The following WFDC6 variants were observed in gnomAD, a reference collection of about 807,000 sequenced individuals.
WFDC6 encodes WAP four-disulfide core domain 6, also known as WAP four-disulfide core domain protein 6.
WFDC6 carries 10 observed loss-of-function variants against 8.2 expected under a neutral mutation model. That is an observed-to-expected ratio of 1.22 (90% confidence interval 0.75 to 2.07). The LOEUF (loss-of-function observed/expected upper bound fraction) is 2.07. WFDC6 is among the 30% of genes most tolerant of loss of function. The pLI, the probability that WFDC6 is intolerant of heterozygous loss-of-function variation, is 0.00. For missense variants in WFDC6, 105 were observed against 104.9 expected (o/e 1.00, Z 0.00); for synonymous variants, 28 against 37.0 (o/e 0.76, Z 0.88).
intron 2 of WFDC6, chr20:45,535,267 T>C (rs1366724322): frequency 4.6e-6 from 6 of 1,304,148 alleles, no homozygotes; most frequent in Non-Finnish European, 6.1e-6. Flanking sequence ...TTTTTTTTAT[T>C]GTACCACCAG....
At chr20:45,536,158 G>A (rs1381394409) in intron 2 of WFDC6, among the ~76,000 whole-genome samples, 5 of 151,802 alleles carry the variant, frequency 3.3e-5, no homozygotes, top group Non-Finnish European at 7.4e-5. Context: ...AGAATGTGAG[G>A]TTTTTGAGAG....
chr20:45,539,313 T>A lies in WFDC6; in HGVS notation c.91+4A>T, dbSNP rs1460601030. The A allele has an allele frequency of 6.2e-7, 1 of 1,613,724 alleles. No homozygotes were observed. The highest frequency in any genetic ancestry group is 8.5e-7 in the Non-Finnish European group (1 of 1,179,694). ...ATTGCAAGGACGGAGTTCCCAATAC[T>A]TACTGCCAAGGATGCCTTCAGCGTG... On this transcript the variant is annotated splice_donor_region_variant and intron_variant, in intron 1 of 2. Transcript: ENST00000372670.
chr20:45,535,179 C>T (rs534303631), intron 2 of WFDC6: 44 of 1,303,886 alleles, frequency 3.4e-5, no homozygotes, highest in Non-Finnish European at 4.3e-5. Flanking sequence ...TTGCAGGTGA[C>T]CAGACAGATA....
chr20:45,535,226 C>G, intron 2 of WFDC6: 1 of 1,304,294 alleles, frequency 7.7e-7, no homozygotes, highest in Non-Finnish European at 1.0e-6. Context: ...CCCCTGGCTA[C>G]CGCCATAGAT....
intron 1 of WFDC6, 31 bp from the exon 2 acceptor site, chr20:45,538,125 G>A (rs1979440358): frequency 1.2e-6 from 2 of 1,613,248 alleles, no homozygotes; most frequent in Admixed American, 1.7e-5. Context: ...TTCCCTCAAG[G>A]CCTTAAAGGA....
chr20:45,535,387 A>C (rs760019276), intron 2 of WFDC6: 220 of 1,240,598 alleles, frequency 1.8e-4, no homozygotes, highest in Non-Finnish European at 2.2e-4. Context: ...GAGAATGTCC[A>C]TCTCTCCCCT....
chr20:45,537,030 G>A (rs1979391624), intron 2 of WFDC6: 1 of 161,482 alleles, frequency 6.2e-6, no homozygotes, highest in Non-Finnish European at 1.4e-5. Context: ...CCTAGTTATT[G>A]TCTTGAAAGG....
Position 45,537,989 on chromosome 20 carries a change from C to T in WFDC6, c.197G>A (p.Gly66Glu). ...ENMKCCPFSR[G>E]KKCLDFRKVS... ...CTTTCTGAAGTCTAAACATTTCTTTCCACGGCTGAACGGGCAACACTTCAT... is the reference window on the plus strand; with the variant it reads ...CTTTCTGAAGTCTAAACATTTCTTTTCACGGCTGAACGGGCAACACTTCAT... Residue 66 changes from glycine to glutamate, a missense_variant, in exon 2 of 3, where the codon GGA (glycine) becomes GAA (glutamate). Transcript: ENST00000372670. 1 of 1,614,018 alleles carries T rather than the reference C, an allele frequency of 6.2e-7. No homozygotes were observed. Among genetic ancestry groups the T allele is most frequent in the Non-Finnish European group, 8.5e-7 (1 of 1,179,918 alleles).
At chr20:45,535,353 G>A (rs1464291974) in intron 2 of WFDC6, 2 of 1,284,094 alleles carry the variant, frequency 1.6e-6, no homozygotes, top group African/African-American at 1.5e-5. Flanking sequence ...GCAGAATAGA[G>A]CTGTTTGGGT....
At chr20:45,537,239 G>A (rs556151292) in intron 2 of WFDC6, 1 of 419,886 alleles carries the variant, frequency 2.4e-6, no homozygotes, top group South Asian at 3.3e-5. Context: ...TCCTGCCACA[G>A]AGCCTTTGCA....
In WFDC6 at chr20:45,539,300, G is replaced by A. The variant is rs1979492944; in HGVS notation, c.91+17C>T. 1 of 1,612,244 alleles carries A rather than the reference G, an allele frequency of 6.2e-7. No individual in the cohort carries two copies. Among genetic ancestry groups the A allele is most frequent in the African/African-American group, 1.3e-5 (1 of 74,836 alleles). The stretch of plus-strand genomic sequence containing the variant: ...GTTTCCTTTCCCCATTGCAAGGACG[G>A]AGTTCCCAATACTTACTGCCAAGGA... On this transcript the variant is annotated intron_variant, in intron 1 of 2. Coordinates refer to ENST00000372670, the MANE Select transcript of WFDC6 (RefSeq NM_080827.2).
chr20:45,538,791 C>T (rs1020897235), intron 1 of WFDC6, among the ~76,000 whole-genome samples: 2 of 152,190 alleles, frequency 1.3e-5, no homozygotes, highest in Admixed American at 6.5e-5. Context: ...CAGGTTTGAA[C>T]CTACAATGTG....
chr20:45,538,218 A>G (rs1197661942), intron 1 of WFDC6, 124 bp from the exon 2 acceptor site: 1 of 1,523,776 alleles, frequency 6.6e-7, no homozygotes, highest in African/African-American at 1.4e-5. Context: ...CCCAGAAGGT[A>G]GTGGCCCTCA....
At chr20:45,537,614 A>G (rs1979416736) in intron 2 of WFDC6, 1 of 1,494,242 alleles carries the variant, frequency 6.7e-7, no homozygotes. Context: ...ATATAACCTG[A>G]CACAATGTTG....
At chr20:45,537,356 C>A (rs1979404199) in intron 2 of WFDC6, 1 of 678,794 alleles carries the variant, frequency 1.5e-6, no homozygotes, top group Admixed American at 2.8e-5. Context: ...CTTTTCTGAC[C>A]TTCCTGGCCA....
Position 45,534,580 on chromosome 20 carries a change from GA to G in WFDC6, c.223-76del, listed in dbSNP as rs1403684381. The G allele has an allele frequency of 1.2e-5, 19 of 1,539,822 alleles. No individual in the cohort carries two copies. The South Asian group carries it at 1.7e-4, about 14-fold the overall frequency. On this transcript the variant is annotated intron_variant, in intron 2 of 2. Transcript: ENST00000372670. ...AGGAACCAAATCTTGCACCTAATGG[GA>G]AAAAGGAGGTGGGATCATTTTTACA...
intron 2 of WFDC6, among the ~76,000 whole-genome samples, chr20:45,536,003 A>G (rs141472327): frequency 6.6e-6 from 1 of 152,328 alleles, no homozygotes; most frequent in African/African-American, 2.4e-5. Flanking sequence ...TCATTCTTTA[A>G]AACCCTTTCC....
rs746859551 is a variant in WFDC6, at chr20:45,534,331, C to T, written c.*136G>A. ...GAGCATTGTGTTTGAAGAGATGCTA[C>T]GCTGGAAGAAAGTGTGTAAGCAATT... On this transcript the variant is annotated 3_prime_UTR_variant, in exon 3 of 3. Transcript: ENST00000372670. 3.3e-5 allele frequency: 33 copies of T among 1,002,164 alleles called. No homozygotes were observed. Among genetic ancestry groups the T allele is most frequent in the African/African-American group, 1.1e-4 (7 of 63,048 alleles). 62.1% of individuals were successfully genotyped at this position (1,002,164 alleles called of 1,614,324 possible).
At chr20:45,537,438 G>A (rs748745253) in intron 2 of WFDC6, 17 of 1,221,284 alleles carry the variant, frequency 1.4e-5, no homozygotes, top group East Asian at 2.5e-5. Flanking sequence ...TAGAATGAAC[G>A]AATGGTCCTT....
Sources: allele counts gnomAD v4.1 joint callset (sites outside exome capture counted in the v4.1 genomes callset), GRCh38; gene constraint gnomAD v4.1.1; transcripts MANE v1.5; gene names NCBI Gene and HGNC (gene_info 2026-07-23, HGNC 2026-07-21).